The following DLGAP2 variants were observed in gnomAD, a reference collection of about 807,000 sequenced individuals.
The protein encoded by DLGAP2 is disks large-associated protein 2.
In DLGAP2, 26 loss-of-function variants were observed where a neutral mutation model predicts 100.3. The observed-to-expected ratio is 0.26, with a 90% confidence interval of 0.19 to 0.36. DLGAP2 has a LOEUF of 0.36. Ranked by LOEUF, DLGAP2 falls within the 10% of genes least tolerant of loss-of-function variation. The pLI is 1.00. For synonymous variants in DLGAP2, 886 were observed against 630.1 expected (o/e 1.41, Z -6.08); for missense variants, 1,858 against 1,453.2 (o/e 1.28, Z -4.53).
intron 2 of DLGAP2, among the ~76,000 whole-genome samples, chr8:1,060,965 C>G (rs17065653): frequency 1.3e-5 from 2 of 152,110 alleles, no homozygotes; most frequent in African/African-American, 4.8e-5. Flanking sequence ...GTTGATATTT[C>G]GATGTTGTGT....
chr8:1,077,349 C>G (rs1334417417), intron 2 of DLGAP2, among the ~76,000 whole-genome samples: 2 of 152,190 alleles, frequency 1.3e-5, no homozygotes, highest in Non-Finnish European at 2.9e-5. Flanking sequence ...TCTACCCACA[C>G]CTGTTAGTAA....
At chr8:1,218,361 C>G (rs780919050) in intron 2 of DLGAP2, among the ~76,000 whole-genome samples, 3 of 152,120 alleles carry the variant, frequency 2.0e-5, no homozygotes, top group Non-Finnish European at 4.4e-5. Flanking sequence ...TCTCCAGTTG[C>G]TTGTTATTGT....
rs370662696 is a variant in DLGAP2 at position 1,451,399 on chromosome 8, G to T, written c.107-49967G>T. ...TGAGTCCTCCAGCCACCTCCTGCCA[G>T]ACCTGAGGTTTGCTTGAAGCTTTAT... On this transcript the variant is annotated intron_variant, in intron 3 of 14. Coordinates refer to ENST00000637795, the MANE Select transcript of DLGAP2 (RefSeq NM_001346810.2). Among the ~76,000 whole-genome samples the T allele has an allele frequency of 5.7e-4, 87 of 152,266 alleles. 1 individual carries two copies. The South Asian group carries it at 0.017, about 30-fold the overall frequency.
intron 6 of DLGAP2, among the ~76,000 whole-genome samples, chr8:1,594,035 T>C (rs1796370200): frequency 6.6e-6 from 1 of 152,166 alleles, no homozygotes; most frequent in Admixed American, 6.5e-5. Flanking sequence ...GCGATGGTGT[T>C]CTTCCCTGAT....
chr8:1,200,191 G>A (rs948634905), intron 2 of DLGAP2, among the ~76,000 whole-genome samples: 11 of 152,180 alleles, frequency 7.2e-5, no homozygotes, highest in South Asian at 2.1e-4. Flanking sequence ...CCTCCCCACC[G>A]TGCAGCACCG....
chr8:1,063,134 A>G (rs1803138844), intron 2 of DLGAP2, among the ~76,000 whole-genome samples: 1 of 152,300 alleles, frequency 6.6e-6, no homozygotes, highest in South Asian at 2.1e-4. Flanking sequence ...GCTGCATTAA[A>G]TAGGATAAAA....
chr8:1,666,036 G>A (rs376001002), intron 8 of DLGAP2, among the ~76,000 whole-genome samples: 38 of 152,172 alleles, frequency 2.5e-4, no homozygotes, highest in African/African-American at 8.4e-4. Context: ...CCCTGCCAAG[G>A]TGAGATGAAT....
chr8:1,431,458 G>A (rs7839228), intron 3 of DLGAP2, among the ~76,000 whole-genome samples: 32,274 of 152,096 alleles, frequency 0.21, 3,818 homozygotes, highest in Middle Eastern at 0.29. Context: ...GACTCTACCC[G>A]TGGGCAAAGG....
intron 6 of DLGAP2, chr8:1,604,845 A>C (rs1796745620): frequency 6.6e-6 from 1 of 152,232 alleles, no homozygotes; most frequent in Non-Finnish European, 1.5e-5. Flanking sequence ...GATGTAAATA[A>C]TAATGAAGAT....
chr8:782,584 G>A (rs563679425), intron 1 of DLGAP2, among the ~76,000 whole-genome samples: 1 of 152,276 alleles, frequency 6.6e-6, no homozygotes, highest in Non-Finnish European at 1.5e-5. Flanking sequence ...AAGCAAATGG[G>A]GGTTAAATTA....
intron 4 of DLGAP2, among the ~76,000 whole-genome samples, chr8:1,537,388 G>A (rs934301355): frequency 6.4e-4 from 97 of 152,208 alleles, no homozygotes; most frequent in African/African-American, 1.8e-3. Context: ...CAGTTTTTAT[G>A]TCATTAAAAT....
intron 6 of DLGAP2, among the ~76,000 whole-genome samples, chr8:1,601,785 A>T (rs547185972): frequency 6.6e-6 from 1 of 152,156 alleles, no homozygotes; most frequent in East Asian, 1.9e-4. Context: ...GGGTCTTTGG[A>T]GTTGCTGTTT....
At chr8:1,391,043 G>A (rs1796339817) in intron 3 of DLGAP2, among the ~76,000 whole-genome samples, 1 of 152,162 alleles carries the variant, frequency 6.6e-6, no homozygotes, top group South Asian at 2.1e-4. Flanking sequence ...ACGTGCCTTG[G>A]GTGAATACAA....
intron 2 of DLGAP2, among the ~76,000 whole-genome samples, chr8:1,212,948 T>G (rs1191330159): frequency 6.6e-6 from 1 of 152,062 alleles, no homozygotes; most frequent in East Asian, 1.9e-4. Context: ...TCAGAAACAT[T>G]TCTTATGAGG....
At chr8:1,659,418 ATCTG>A (rs1457856810) in intron 8 of DLGAP2, among the ~76,000 whole-genome samples, 1 of 152,180 alleles carries the variant, frequency 6.6e-6, no homozygotes, top group African/African-American at 2.4e-5. Flanking sequence ...TGTCTCATTG[ATCTG>A]TCTAATATTG....
intron 14 of DLGAP2, among the ~76,000 whole-genome samples, chr8:1,697,919 C>T (rs1225185090): frequency 6.6e-6 from 1 of 152,208 alleles, no homozygotes; most frequent in Non-Finnish European, 1.5e-5. Flanking sequence ...GTAGATAGTT[C>T]TGAGTTAGCA....
chr8:1,671,569 TCA>T (rs1323531982), intron 10 of DLGAP2, among the ~76,000 whole-genome samples: 1 of 152,224 alleles, frequency 6.6e-6, no homozygotes, highest in Admixed American at 6.5e-5. Flanking sequence ...ACTCCCTTGT[TCA>T]CAGTGCATTG....
intron 4 of DLGAP2, among the ~76,000 whole-genome samples, chr8:1,524,815 C>T (rs1268736780): frequency 6.6e-6 from 1 of 152,116 alleles, no homozygotes; most frequent in African/African-American, 2.4e-5. Context: ...CAGGTCCTTC[C>T]GTCTGCATCA....
At chr8:1,171,590 A>G (rs1337928453) in intron 2 of DLGAP2, among the ~76,000 whole-genome samples, 2 of 152,184 alleles carry the variant, frequency 1.3e-5, no homozygotes, top group Non-Finnish European at 2.9e-5. Context: ...ATATATATTT[A>G]GGATACTTAG....
Sources: gnomAD v4.1 joint callset for allele counts (sites outside exome capture counted in the v4.1 genomes callset) on GRCh38, gnomAD v4.1.1 for gene constraint, MANE v1.5 for transcripts, NCBI Gene and HGNC (gene_info 2026-07-23, HGNC 2026-07-21) for gene names.